ADCY7: variants seen among roughly 807,000 people sequenced by gnomAD.
ADCY7 encodes the protein adenylate cyclase type 7.
Under a neutral mutation model 120.6 loss-of-function variants are expected in ADCY7, and 72 were observed. That is an observed-to-expected ratio of 0.60 (90% confidence interval 0.49 to 0.73). The LOEUF (loss-of-function observed/expected upper bound fraction) is 0.73, where lower values mean the gene tolerates loss of function less well. Ranked by LOEUF, ADCY7 falls within the 30% of genes least tolerant of loss-of-function variation. The pLI, the probability that ADCY7 is intolerant of heterozygous loss-of-function variation, is 0.00. For synonymous variants in ADCY7, 661 were observed against 628.0 expected (o/e 1.05, Z -0.78); for missense variants, 1,227 against 1,486.0 (o/e 0.83, Z 2.87).
chr16:50,248,089 G>A (rs954383467), intron 1 of ADCY7, among the ~76,000 whole-genome samples: 1 of 152,152 alleles, frequency 6.6e-6, no homozygotes, highest in African/African-American at 2.4e-5. Context: ...GCAAGGAGCC[G>A]GGCTGTTCTC....
In ADCY7 at chr16:50,311,803, C is replaced by CCA. The variant is rs2036486755; in HGVS notation, c.2448+18_2448+19insAC. On this transcript the variant is annotated intron_variant, in intron 20 of 25. Coordinates refer to ENST00000673801, the MANE Select transcript of ADCY7 (RefSeq NM_001114.5). ...TCCAGACAGGTAAGGAGGCTGGCCC[C>CCA]CCCCCCCCCCCCAAGCTCTGCCCAC... is the stretch of plus-strand genomic sequence containing the variant. 1.2e-6 allele frequency: 1 copy of CCA among 817,050 alleles called. No homozygotes were observed. The highest frequency in any genetic ancestry group is 3.2e-5 in the Admixed American group (1 of 30,982). 50.6% of individuals were successfully genotyped at this position (817,050 alleles called of 1,614,324 possible).
intron 21 of ADCY7, 107 bp downstream of exon 21, chr16:50,312,298 G>A: frequency 1.6e-5 from 21 of 1,304,236 alleles, no homozygotes; most frequent in Non-Finnish European, 1.7e-5. Context: ...GGCTTCCTCA[G>A]GTCCTGGCCT....
At chr16:50,263,722 G>A (rs1213738028), upstream of ADCY7, among the ~76,000 whole-genome samples, 2 of 151,932 alleles carry the variant, frequency 1.3e-5, no homozygotes, top group African/African-American at 2.4e-5. Context: ...TTGCAGAAAT[G>A]TTGGTCAGGG....
intron 14 of ADCY7, among the ~76,000 whole-genome samples, chr16:50,306,444 G>A (rs547502850): frequency 2.0e-5 from 3 of 152,258 alleles, no homozygotes; most frequent in South Asian, 4.1e-4. Context: ...GTGAGGTCAC[G>A]AGGAAACCTG....
At chr16:50,302,989 C>T (rs1490932871) in intron 10 of ADCY7, among the ~76,000 whole-genome samples, 2 of 152,244 alleles carry the variant, frequency 1.3e-5, no homozygotes, top group East Asian at 1.9e-4. Flanking sequence ...CAGCTGCCCC[C>T]GTGGGGCTCA....
At chr16:50,245,929 G>A (rs1165647281), upstream of ADCY7, among the ~76,000 whole-genome samples, 13 of 128,944 alleles carry the variant, frequency 1.0e-4, no homozygotes, top group African/African-American at 3.2e-4. Flanking sequence ...CCGCGGCAGC[G>A]CCTTTCCCAC....
intron 15 of ADCY7, among the ~76,000 whole-genome samples, chr16:50,307,707 T>A (rs371563592): frequency 1.2e-4 from 18 of 152,144 alleles, no homozygotes; most frequent in African/African-American, 4.3e-4. Flanking sequence ...ACTAAAGACA[T>A]AATAGGGAGG....
intron 1 of ADCY7, chr16:50,279,811 T>C (rs1596860066): frequency 6.6e-6 from 1 of 152,146 alleles, no homozygotes. Context: ...GCCTTGGGGG[T>C]GCATTTTAAA....
intron 21 of ADCY7, among the ~76,000 whole-genome samples, chr16:50,312,608 G>A (rs536394999): frequency 1.3e-5 from 2 of 152,136 alleles, no homozygotes; most frequent in Non-Finnish European, 2.9e-5. Context: ...AAGACCTCCC[G>A]TTACCCTCCA....
Position 50,287,906 on chromosome 16 carries a change from C to T in ADCY7, c.-268-6C>T. The stretch of plus-strand genomic sequence containing the variant: ...GGTCAAGTTCCTGTCTGCTTCGTCT[C>T]CGCAGAGCTGAGGAACTGCGTGTGG... On this transcript the variant is annotated splice_polypyrimidine_tract_variant and splice_region_variant and intron_variant, in intron 1 of 25. Coordinates refer to ENST00000673801, the MANE Select transcript of ADCY7 (RefSeq NM_001114.5). 1 of 396,414 alleles carries T rather than the reference C, an allele frequency of 2.5e-6. No homozygotes were observed. The highest frequency in any genetic ancestry group is 4.5e-6 in the Non-Finnish European group (1 of 222,386). 24.6% of individuals were successfully genotyped at this position (396,414 alleles called of 1,614,324 possible).
intron 18 of ADCY7, 75 bp downstream of exon 18, chr16:50,309,721 T>G: frequency 7.6e-7 from 1 of 1,320,998 alleles, no homozygotes; most frequent in South Asian, 1.3e-5. Context: ...GTTTGGACCC[T>G]CAAAGCATGG....
intron 24 of ADCY7, 102 bp from the exon 25 acceptor site, chr16:50,314,912 T>TC: frequency 5.4e-6 from 8 of 1,488,668 alleles, no homozygotes; most frequent in Non-Finnish European, 6.4e-6. Context: ...AGTTGTTTTG[T>TC]CCCCGCATCC....
At chr16:50,313,360 T>C (rs2036590245) in intron 22 of ADCY7, 1 of 289,968 alleles carries the variant, frequency 3.4e-6, no homozygotes, top group Non-Finnish European at 6.8e-6. Context: ...GCGGTTGCAG[T>C]GAGCTGGGAT....
At chr16:50,276,317 C>T (rs2033887550) in intron 1 of ADCY7, among the ~76,000 whole-genome samples, 1 of 152,244 alleles carries the variant, frequency 6.6e-6, no homozygotes, top group Non-Finnish European at 1.5e-5. Flanking sequence ...GGCCTCCTCA[C>T]CCCCAGTGCT....
intron 1 of ADCY7, among the ~76,000 whole-genome samples, chr16:50,271,528 G>A (rs1184333976): frequency 1.3e-5 from 2 of 152,168 alleles, no homozygotes; most frequent in Admixed American, 6.5e-5. Flanking sequence ...CCTTGGGCCT[G>A]GGAGAAGGTC....
intron 1 of ADCY7, chr16:50,246,231 C>T: frequency 6.7e-6 from 1 of 149,568 alleles, no homozygotes; most frequent in South Asian, 1.9e-4. Flanking sequence ...GGGAGCGCGG[C>T]GGGCGGGCCG....
chr16:50,307,591 G>A (rs1323497305), intron 15 of ADCY7, among the ~76,000 whole-genome samples: 1 of 152,170 alleles, frequency 6.6e-6, no homozygotes, highest in Non-Finnish European at 1.5e-5. Context: ...GTATAGGGAT[G>A]AGGGTGAAGT....
intron 25 of ADCY7, 73 bp from the exon 26 acceptor site, chr16:50,315,286 A>T: frequency 1.3e-6 from 2 of 1,573,338 alleles, no homozygotes; most frequent in South Asian, 2.3e-5. Flanking sequence ...ATGCCTGGGC[A>T]GTCTCTATCT....
rs1001025263 is a variant in ADCY7, at chr16:50,297,910, C to T, written c.949-994C>T. Among the ~76,000 whole-genome samples the T allele has an allele frequency of 1.3e-5, 2 of 152,088 alleles. No homozygotes were observed. The highest frequency in any genetic ancestry group is 2.4e-5 in the African/African-American group (1 of 41,406). On this transcript the variant is annotated intron_variant, in intron 7 of 25. Coordinates refer to ENST00000673801, the MANE Select transcript of ADCY7 (RefSeq NM_001114.5). This position sits in a 1 kb window ranked among gnomAD's most constrained non-coding sequence, Gnocchi z 4.4. ...GGGAGGGGAGAGCAGAGGCAGATGG[C>T]GCTCCTTCTTCAGCTCCCCTAAAGC...
Sources: gnomAD v4.1 joint callset for allele counts (sites outside exome capture counted in the v4.1 genomes callset) on GRCh38, gnomAD v4.1.1 for gene constraint, Gnocchi (gnomAD v3.1) non-coding constraint, MANE v1.5 for transcripts, NCBI Gene and HGNC (gene_info 2026-07-23, HGNC 2026-07-21) for gene names.